The following DOT1L variants were observed in gnomAD, a reference collection of about 807,000 sequenced individuals.
DOT1L encodes the protein DOT1 like histone lysine methyltransferase, also known as histone-lysine N-methyltransferase, H3 lysine-79 specific.
In DOT1L, 33 loss-of-function variants were observed where a neutral mutation model predicts 153.3. The ratio of observed to expected loss-of-function variants is 0.22; its 90% CI spans 0.16 to 0.29. The LOEUF (loss-of-function observed/expected upper bound fraction) is 0.29. DOT1L is among the 10% of genes least tolerant of loss of function. The pLI is 1.00. For missense variants in DOT1L, 1,847 were observed against 2,119.9 expected (o/e 0.87, Z 2.53); for synonymous variants, 1,135 against 965.1 (o/e 1.18, Z -3.26).
intron 9 of DOT1L, among the ~76,000 whole-genome samples, chr19:2,203,569 G>A (rs1161260687): frequency 6.6e-6 from 1 of 152,182 alleles, no homozygotes; most frequent in Admixed American, 6.5e-5. Context: ...AGGTCACCAG[G>A]CCCATGCAGG....
rs577376382 is a variant in DOT1L, at chr19:2,226,690, G to C, written c.4169G>C (p.Gly1390Ala). Residue 1390 changes from glycine to alanine, a missense_variant, in exon 27 of 28, where the codon GGG (glycine) becomes GCG (alanine). Coordinates refer to ENST00000398665, the MANE Select transcript of DOT1L (RefSeq NM_032482.3). ...KGEGSRGKEA[G>A]EGGLPLCGPT... ...GAGGGCAGCCGCGGCAAGGAGGCAG[G>C]GGAGGGCGGCCTACCGCTGTGCGGG... The C allele has an allele frequency of 1.7e-5, 27 of 1,573,938 alleles. No individual in the cohort carries two copies. In the South Asian group the frequency reaches 3.1e-4, roughly 18 times the overall value.
intron 1 of DOT1L, among the ~76,000 whole-genome samples, chr19:2,178,000 G>A (rs1341747024): frequency 6.6e-6 from 1 of 151,206 alleles, no homozygotes; most frequent in Non-Finnish European, 1.5e-5. Context: ...TCAGCTCACT[G>A]CAACCTCTGC....
intron 3 of DOT1L, among the ~76,000 whole-genome samples, chr19:2,186,713 C>T (rs890090378): frequency 6.6e-6 from 1 of 152,244 alleles, no homozygotes; most frequent in African/African-American, 2.4e-5. Context: ...TCGAGCCCTG[C>T]CCATTCCCTG....
chr19:2,225,258 G>T, intron 25 of DOT1L, 130 bp from the exon 26 acceptor site: 1 of 883,452 alleles, frequency 1.1e-6, no homozygotes, highest in Non-Finnish European at 1.8e-6. Context: ...GGCTGCACGG[G>T]TCCCCTGTCT....
chr19:2,221,889 A>C, intron 23 of DOT1L, 87 bp from the exon 24 acceptor site: 27 of 1,312,066 alleles, frequency 2.1e-5, no homozygotes, highest in Admixed American at 2.6e-5. Flanking sequence ...TGGAGCCCAC[A>C]GAGCTCCTAG....
rs1409238531 is a variant in DOT1L at position 2,228,403 on chromosome 19, G to GT, written c.4606+1276_4606+1277insT. ...GTAAGGTAAGGCCAGAGCCCTGCGC[G>GT]GTGGCTCACTCCAGACACTGAACTG... On this transcript the variant is annotated intron_variant, in intron 27 of 27. Transcript: ENST00000398665. 1.0e-5 allele frequency: 13 copies of GT among 1,257,264 alleles called. No homozygotes were observed. The Admixed American group carries it at 2.6e-4, about 25-fold the overall frequency. The allele number at this position is 1,257,264 out of a possible 1,614,324, so 77.9% of individuals were successfully genotyped here.
chr19:2,182,872 GT>G (rs2022307408), intron 2 of DOT1L, among the ~76,000 whole-genome samples: 1 of 152,204 alleles, frequency 6.6e-6, no homozygotes, highest in African/African-American at 2.4e-5. Flanking sequence ...AACCTTGTGT[GT>G]TTTCTGGGGA....
chr19:2,166,993 G>A (rs1285286275), intron 1 of DOT1L, among the ~76,000 whole-genome samples: 1 of 152,184 alleles, frequency 6.6e-6, no homozygotes, highest in Non-Finnish European at 1.5e-5. Context: ...TGGCTTTCAG[G>A]CGGCCAAATC....
chr19:2,193,893 T>C lies in DOT1L; in HGVS notation c.588+110T>C. 8.5e-7 allele frequency: 1 copy of C among 1,179,630 alleles called. No individual in the cohort carries two copies. The highest frequency in any genetic ancestry group is 2.4e-5 in the East Asian group (1 of 41,296). The allele number at this position is 1,179,630 out of a possible 1,614,324, so 73.1% of individuals were successfully genotyped here. ...GTGGGACTTCCGAGTCTGGGTGGCG[T>C]TCTTTCCAGGCCCAAGACGTCTTGG... On this transcript the variant is annotated intron_variant, in intron 6 of 27. Transcript: ENST00000398665. The surrounding 1 kb of genome is among the most constrained non-coding windows in gnomAD (Gnocchi z 5.9).
At chr19:2,210,929 G>A in intron 14 of DOT1L, 74 bp downstream of exon 14, 2 of 1,532,960 alleles carry the variant, frequency 1.3e-6, no homozygotes, top group Non-Finnish European at 8.9e-7. Context: ...CTGGGACGCT[G>A]CCCTCCTGAG....
In DOT1L at chr19:2,189,756, C is replaced by T. The variant is rs199909162; in HGVS notation, c.225C>T (p.Cys75=). 131 of 1,611,900 alleles carry T rather than the reference C, an allele frequency of 8.1e-5. No homozygotes were observed. The highest frequency in any genetic ancestry group is 7.3e-4 in the African/African-American group (55 of 75,054). ...GCTTCGAGAGCATGCAGAGGCTCTG[C>T]GACAAGTACAACCGTGCCATCGACA... ...TKSFESMQRL[C]DKYNRAIDSI... is the part of the protein sequence containing the mutation. Residue 75 remains cysteine, a synonymous_variant, in exon 4 of 28, where the codon TGC becomes TGT. Coordinates refer to ENST00000398665, the MANE Select transcript of DOT1L (RefSeq NM_032482.3).
chr19:2,223,196 A>C, intron 24 of DOT1L, 85 bp from the exon 25 acceptor site: 1 of 1,473,910 alleles, frequency 6.8e-7, no homozygotes, highest in Non-Finnish European at 9.4e-7. Flanking sequence ...GGGTGCAGAC[A>C]GGAGCCTCCT....
At position 2,220,444 on chromosome 19, in the gene DOT1L, C is replaced by T. The variant is rs1225346669; in HGVS notation, c.2806+222C>T. 1 of 657,786 alleles carries T rather than the reference C, an allele frequency of 1.5e-6. No homozygotes were observed. The allele number at this position is 657,786 out of a possible 1,614,324, so 40.7% of individuals were successfully genotyped here. The stretch of plus-strand genomic sequence containing the variant: ...CCATCTCGGCCTCATACCTGGGTCT[C>T]CCGACACTGACACCTCCTGCTTGGG... On this transcript the variant is annotated intron_variant, in intron 23 of 27. Transcript: ENST00000398665. This position sits in a 1 kb window ranked among gnomAD's most constrained non-coding sequence, Gnocchi z 4.5.
rs2023262577 is a variant in DOT1L at position 2,201,175 on chromosome 19, GCATTCCTCGTCCTCCCCT to G, written c.707+1254_707+1271del. ...CCTCCCCTCATTCCTCGTCCTCCCC[GCATTCCTCGTCCTCCCCT>G]CATTCCTCGTCCTCCCCGCATTCCT... is the stretch of plus-strand genomic sequence containing the variant. On this transcript the variant is annotated intron_variant, in intron 8 of 27. Coordinates refer to ENST00000398665, the MANE Select transcript of DOT1L (RefSeq NM_032482.3). Among the ~76,000 whole-genome samples the G allele has an allele frequency of 7.1e-5, 8 of 111,900 alleles. 1 individual carries two copies. The highest frequency in any genetic ancestry group is 1.4e-4 in the African/African-American group (4 of 27,794). 73.4% of individuals were successfully genotyped at this position (111,900 alleles called of 152,430 possible).
Position 2,211,744 on chromosome 19 carries a change from T to C in DOT1L, c.1466-7T>C, listed in dbSNP as rs1290210008. On this transcript the variant is annotated splice_region_variant and splice_polypyrimidine_tract_variant and intron_variant, in intron 15 of 27. Coordinates refer to ENST00000398665, the MANE Select transcript of DOT1L (RefSeq NM_032482.3). ...TCTTCTCACCTGTGTTCCGCCTCTCTTCCCAGAGTCCTTCAAGATCCAGTA... is the reference window on the plus strand; with the variant it reads ...TCTTCTCACCTGTGTTCCGCCTCTCCTCCCAGAGTCCTTCAAGATCCAGTA... The C allele has an allele frequency of 3.9e-6, 6 of 1,558,154 alleles. No homozygotes were observed. The highest frequency in any genetic ancestry group is 1.4e-5 in the African/African-American group (1 of 73,572).
chr19:2,164,883 A>G (rs903641435), intron 1 of DOT1L, among the ~76,000 whole-genome samples: 3 of 152,036 alleles, frequency 2.0e-5, no homozygotes, highest in African/African-American at 7.2e-5. Context: ...TGTTAATCCT[A>G]GTTGGTTGGG....
intron 1 of DOT1L, among the ~76,000 whole-genome samples, chr19:2,169,505 G>C (rs1568324608): frequency 6.6e-6 from 1 of 151,906 alleles, no homozygotes; most frequent in Non-Finnish European, 1.5e-5. Context: ...TCTGAGGAGA[G>C]TTTTTTTTGA....
In DOT1L at chr19:2,226,491, G is replaced by T; in HGVS notation, c.3970G>T (p.Ala1324Ser). 1 of 1,600,646 alleles carries T rather than the reference G, an allele frequency of 6.2e-7. No individual in the cohort carries two copies. The highest frequency in any genetic ancestry group is 2.2e-5 in the East Asian group (1 of 44,864). Residue 1324 changes from alanine to serine, a missense_variant, in exon 27 of 28, where the codon GCG becomes TCG. Ala to Ser is a moderately conservative substitution (Grantham distance 99, BLOSUM62 1). Transcript: ENST00000398665. ...NGCTFGGGLA[A>S]DLSLHSFSDG... ...CTGCACCTTCGGCGGGGGCCTGGCC[G>T]CGGACCTGAGTTTACACAGCTTCAG...
At position 2,191,609 on chromosome 19, in the gene DOT1L, G is replaced by A. The variant is rs2022797263; in HGVS notation, c.493+369G>A. ...GGGCCCCAGCCCGGGCCCCACCCAC[G>A]GCTGCAGCCTGCCGCAGTCCTTCCC... On this transcript the variant is annotated intron_variant, in intron 5 of 27. Coordinates refer to ENST00000398665, the MANE Select transcript of DOT1L (RefSeq NM_032482.3). This position sits in a 1 kb window ranked among gnomAD's most constrained non-coding sequence, Gnocchi z 6.8. 1.3e-5 allele frequency among the ~76,000 whole-genome samples: 2 copies of A among 152,114 alleles called. No individual in the cohort carries two copies. Among genetic ancestry groups the A allele is most frequent in the African/African-American group, 2.4e-5 (1 of 41,424 alleles).
Sources: allele counts gnomAD v4.1 joint callset (sites outside exome capture counted in the v4.1 genomes callset), GRCh38; gene constraint gnomAD v4.1.1; non-coding constraint Gnocchi (gnomAD v3.1); transcripts MANE v1.5; gene names NCBI Gene and HGNC (gene_info 2026-07-23, HGNC 2026-07-21).